The following AFG1L variants were observed in gnomAD, a reference collection of about 807,000 sequenced individuals.
The protein encoded by AFG1L is AFG1-like ATPase.
Under a neutral mutation model 62.2 loss-of-function variants are expected in AFG1L, and 53 were observed. The observed-to-expected ratio is 0.85, with a 90% CI of 0.68 to 1.07. AFG1L has a LOEUF of 1.07. Among genes scored for constraint, AFG1L ranks in the 50% least tolerant of loss-of-function variants. AFG1L has a pLI of 0.00. For synonymous variants in AFG1L, 228 were observed against 210.3 expected (o/e 1.08, Z -0.73); for missense variants, 555 against 590.5 (o/e 0.94, Z 0.62).
chr6:108,496,344 T>G (rs1474404725), intron 10 of AFG1L, among the ~76,000 whole-genome samples: 1 of 152,208 alleles, frequency 6.6e-6, no homozygotes, highest in African/African-American at 2.4e-5. Flanking sequence ...TTTTGAAGAC[T>G]TGGTGATAGT....
intron 10 of AFG1L, among the ~76,000 whole-genome samples, chr6:108,480,730 G>A (rs1773293926): frequency 1.3e-5 from 2 of 152,086 alleles, no homozygotes; most frequent in Admixed American, 1.3e-4. Flanking sequence ...CCCAGGAGGT[G>A]GAGGTTGCAG....
chr6:108,484,664 A>G (rs1773452033), intron 10 of AFG1L, among the ~76,000 whole-genome samples: 1 of 152,236 alleles, frequency 6.6e-6, no homozygotes, highest in Non-Finnish European at 1.5e-5. Context: ...ACACACCTAG[A>G]CCTAGCCTAT....
At chr6:108,327,049 T>G (rs1475211270) in intron 2 of AFG1L, among the ~76,000 whole-genome samples, 7 of 151,900 alleles carry the variant, frequency 4.6e-5, no homozygotes, top group Non-Finnish European at 1.0e-4. Flanking sequence ...AAGTTTGAGA[T>G]CAGCCTGGAC....
At chr6:108,486,098 G>A (rs1028224151) in intron 10 of AFG1L, among the ~76,000 whole-genome samples, 2 of 152,176 alleles carry the variant, frequency 1.3e-5, no homozygotes, top group African/African-American at 2.4e-5. Context: ...CAGAAGACCT[G>A]TATGAAGAGA....
chr6:108,420,660 A>G (rs1456670877), intron 7 of AFG1L, among the ~76,000 whole-genome samples: 1 of 151,796 alleles, frequency 6.6e-6, no homozygotes, highest in African/African-American at 2.4e-5. Context: ...GGGCCTATCT[A>G]TAGAAAAGTA....
chr6:108,345,501 G>C (rs746152745), intron 2 of AFG1L, among the ~76,000 whole-genome samples: 1 of 151,668 alleles, frequency 6.6e-6, no homozygotes, highest in Non-Finnish European at 1.5e-5. Flanking sequence ...CTGGGACTGC[G>C]GGAGTACATC....
rs151078783 is a variant in AFG1L, at chr6:108,376,944, A to G, written c.748+10612A>G. On this transcript the variant is annotated intron_variant, in intron 6 of 12. Coordinates refer to ENST00000368977, the MANE Select transcript of AFG1L (RefSeq NM_145315.5). ...GATGTTGGATACATATATATTTAGG[A>G]TAGTTAACTTTTATTGAATATAACC... Among the ~76,000 whole-genome samples the G allele has an allele frequency of 6.6e-3, 1,009 of 152,210 alleles. 7 individuals carry two copies. The highest frequency in any genetic ancestry group is 0.023 in the African/African-American group (972 of 41,548).
chr6:108,449,461 T>C (rs1771963848), intron 8 of AFG1L, among the ~76,000 whole-genome samples: 2 of 152,156 alleles, frequency 1.3e-5, no homozygotes. Context: ...TAATATGAGT[T>C]ACTAAGACAG....
intron 8 of AFG1L, among the ~76,000 whole-genome samples, chr6:108,459,179 T>C (rs1257029438): frequency 6.6e-6 from 1 of 152,180 alleles, no homozygotes; most frequent in Non-Finnish European, 1.5e-5. Flanking sequence ...AGTTTAGTAC[T>C]CAACTAAAGA....
intron 5 of AFG1L, among the ~76,000 whole-genome samples, chr6:108,361,309 G>A (rs976789206): frequency 3.3e-5 from 5 of 152,200 alleles, no homozygotes; most frequent in African/African-American, 1.2e-4. Context: ...CAGATGGAAG[G>A]TGCAAATCAA....
intron 6 of AFG1L, among the ~76,000 whole-genome samples, chr6:108,380,156 A>T (rs1036360193): frequency 1.3e-5 from 2 of 151,676 alleles, no homozygotes; most frequent in Non-Finnish European, 1.5e-5. Context: ...CTGCACCAGG[A>T]TCTCTGTTCA....
intron 7 of AFG1L, among the ~76,000 whole-genome samples, chr6:108,421,655 G>C (rs1276732861): frequency 6.6e-6 from 1 of 152,100 alleles, no homozygotes; most frequent in Non-Finnish European, 1.5e-5. Flanking sequence ...TTAGACCAAG[G>C]ACTTTTGGAT....
chr6:108,316,201 G>T (rs1777587141), intron 1 of AFG1L, among the ~76,000 whole-genome samples: 1 of 150,930 alleles, frequency 6.6e-6, no homozygotes, highest in African/African-American at 2.4e-5. Context: ...CTAAAACGGT[G>T]AAACCCCGTC....
At chr6:108,467,351 T>C (rs1319733899) in intron 8 of AFG1L, among the ~76,000 whole-genome samples, 2 of 151,600 alleles carry the variant, frequency 1.3e-5, no homozygotes, top group African/African-American at 2.4e-5. Flanking sequence ...CGGGTTCAAA[T>C]GATTCTGCCT....
At chr6:108,394,474 C>A (rs1562129995) in intron 6 of AFG1L, among the ~76,000 whole-genome samples, 1 of 151,908 alleles carries the variant, frequency 6.6e-6, no homozygotes. Flanking sequence ...TCTGTCACTA[C>A]CAAACCTGTC....
chr6:108,444,458 A>G (rs1771680287), intron 7 of AFG1L, among the ~76,000 whole-genome samples: 3 of 152,174 alleles, frequency 2.0e-5, no homozygotes. Context: ...AGGTTGCTAT[A>G]TAGATTGACT....
chr6:108,316,177 C>T (rs1300314665), intron 1 of AFG1L, among the ~76,000 whole-genome samples: 4 of 151,310 alleles, frequency 2.6e-5, no homozygotes, highest in African/African-American at 4.9e-5. Context: ...GTCAGGAGAT[C>T]GAGACCATCC....
In AFG1L at chr6:108,479,568, T is replaced by A. The variant is rs1773252884; in HGVS notation, c.1062+2276T>A. Among the ~76,000 whole-genome samples the A allele has an allele frequency of 2.6e-5, 4 of 152,346 alleles. No individual in the cohort carries two copies. In the South Asian group the frequency reaches 6.2e-4, roughly 24 times the overall value. ...AGTAGCTAGTTTGTTTATGACTATT[T>A]TCTTGTTATGATGATTTTGCATTGC... On this transcript the variant is annotated intron_variant, in intron 10 of 12. Transcript: ENST00000368977.
At chr6:108,335,137 G>A (rs930458186) in intron 2 of AFG1L, among the ~76,000 whole-genome samples, 19 of 151,990 alleles carry the variant, frequency 1.3e-4, no homozygotes, top group African/African-American at 4.3e-4. Context: ...GGGATTATAG[G>A]CGTTTGCCAC....
Sources: allele counts gnomAD v4.1 joint callset (sites outside exome capture counted in the v4.1 genomes callset), GRCh38; gene constraint gnomAD v4.1.1; transcripts MANE v1.5; gene names NCBI Gene and HGNC (gene_info 2026-07-23, HGNC 2026-07-21).